The following NRXN1 variants were observed in gnomAD, a reference collection of about 807,000 sequenced individuals.
The protein encoded by NRXN1 is neurexin-1.
A neutral mutation model predicts 150.9 loss-of-function variants in NRXN1; 39 were observed. That is an observed-to-expected ratio of 0.26 (90% CI 0.20 to 0.34). The LOEUF (loss-of-function observed/expected upper bound fraction) is 0.34. Among genes scored for constraint, NRXN1 ranks in the 10% least tolerant of loss-of-function variants. The probability of loss-of-function intolerance (pLI) is 1.00; values close to 1 mark genes in which losing one functional copy is unlikely to be tolerated. For synonymous variants in NRXN1, 924 were observed against 757.0 expected, an observed-to-expected ratio of 1.22 and a Z score of -3.62; for missense variants, 1,815 against 1,949.9, an observed-to-expected ratio of 0.93 and a Z score of 1.30.
intron 5 of NRXN1, among the ~76,000 whole-genome samples, chr2:50,681,725 A>G (rs1195373052): frequency 6.6e-6 from 1 of 152,192 alleles, no homozygotes; most frequent in East Asian, 1.9e-4. Context: ...TTGTTGAACT[A>G]TTTGATACTA....
intron 21 of NRXN1, among the ~76,000 whole-genome samples, chr2:49,999,723 C>T (rs901504501): frequency 6.6e-6 from 1 of 152,112 alleles, no homozygotes; most frequent in Non-Finnish European, 1.5e-5. Flanking sequence ...TCCCACCACA[C>T]CTCATAGAAC....
At chr2:50,821,254 C>G (rs1359150875) in intron 5 of NRXN1, among the ~76,000 whole-genome samples, 2 of 152,166 alleles carry the variant, frequency 1.3e-5, no homozygotes. Context: ...AACACAAATT[C>G]TTAAAGTTTC....
rs568517191 is a variant in NRXN1, at chr2:50,439,685, C to T, written c.3364+25757G>A. ...ACAAAAAATTAGTCGGGCGTGGTGG[C>T]GGGTACCTGTAGTCCCAGCTACTCG... On this transcript the variant is annotated intron_variant, in intron 17 of 22. Coordinates refer to ENST00000401669, the MANE Select transcript of NRXN1 (RefSeq NM_001330078.2). 2.4e-3 allele frequency among the ~76,000 whole-genome samples: 359 copies of T among 151,724 alleles called. 4 individuals are homozygous for T. The highest frequency in any genetic ancestry group is 5.7e-3 in the South Asian group (27 of 4,778).
chr2:50,693,494 A>G (rs564930537), intron 5 of NRXN1, among the ~76,000 whole-genome samples: 1 of 152,196 alleles, frequency 6.6e-6, no homozygotes, highest in East Asian at 1.9e-4. Context: ...CCTGCCTACA[A>G]TTGCGTGCAA....
At chr2:49,922,369 G>T in intron 22 of NRXN1, 118 bp from the exon 23 acceptor site, 1 of 1,069,614 alleles carries the variant, frequency 9.3e-7, no homozygotes, top group Non-Finnish European at 1.4e-6. Flanking sequence ...GGAAAGGTAT[G>T]CTATTGATAA....
chr2:50,795,345 T>C (rs1370844902), intron 5 of NRXN1, among the ~76,000 whole-genome samples: 1 of 152,110 alleles, frequency 6.6e-6, no homozygotes, highest in Non-Finnish European at 1.5e-5. Context: ...GATTCAGTAA[T>C]CTGTATGTGC....
intron 21 of NRXN1, chr2:50,022,563 CAATT>C (rs1439474063): frequency 2.6e-5 from 4 of 152,044 alleles, no homozygotes; most frequent in African/African-American, 9.7e-5. Flanking sequence ...CTTGTGAAAA[CAATT>C]AAAGAATGTG....
chr2:50,620,710 A>G lies in NRXN1; in HGVS notation c.1158+516T>C, dbSNP rs538637493. 2.0e-5 allele frequency among the ~76,000 whole-genome samples: 3 copies of G among 152,324 alleles called. No homozygotes were observed. The South Asian group carries it at 6.2e-4, about 32-fold the overall frequency. Reference sequence around the variant, plus strand: ...AAGGGAGAGAAAAGGCAAAACAACCAGTAGAAGCGGCACACGCTGATGTGC... The same window carrying G: ...AAGGGAGAGAAAAGGCAAAACAACCGGTAGAAGCGGCACACGCTGATGTGC... On this transcript the variant is annotated intron_variant, in intron 7 of 22. Coordinates refer to ENST00000401669, the MANE Select transcript of NRXN1 (RefSeq NM_001330078.2).
intron 17 of NRXN1, among the ~76,000 whole-genome samples, chr2:50,329,443 T>A (rs1305804517): frequency 7.3e-5 from 11 of 150,662 alleles, no homozygotes; most frequent in Admixed American, 6.0e-4. Context: ...GGAGGTAGTA[T>A]AAAGAAACAT....
intron 21 of NRXN1, among the ~76,000 whole-genome samples, chr2:49,994,477 C>A (rs1157892512): frequency 1.3e-5 from 2 of 152,036 alleles, no homozygotes; most frequent in Admixed American, 1.3e-4. Context: ...CCAGAATATC[C>A]AAAATAATTT....
In NRXN1 at chr2:50,359,906, C is replaced by G. The variant is rs1379136526; in HGVS notation, c.3364+105536G>C. On this transcript the variant is annotated intron_variant, in intron 17 of 22. Transcript: ENST00000401669. ...GAAGCCCATCACACTAACAGCAGCTCTCTCTGCAGAAACCCTCCAAGCCAG... is the reference window on the plus strand; with the variant it reads ...GAAGCCCATCACACTAACAGCAGCTGTCTCTGCAGAAACCCTCCAAGCCAG... Among the ~76,000 whole-genome samples the G allele has an allele frequency of 4.6e-5, 7 of 152,218 alleles. No homozygotes were observed. The East Asian group carries it at 1.2e-3, about 25-fold the overall frequency.
intron 17 of NRXN1, among the ~76,000 whole-genome samples, chr2:50,247,790 T>C (rs1466144362): frequency 6.6e-6 from 1 of 152,122 alleles, no homozygotes; most frequent in Admixed American, 6.6e-5. Context: ...GTGGGACAAC[T>C]GGCAAGGTTT....
chr2:50,310,649 A>T (rs1184559550), intron 17 of NRXN1, among the ~76,000 whole-genome samples: 1 of 152,172 alleles, frequency 6.6e-6, no homozygotes, highest in Non-Finnish European at 1.5e-5. Flanking sequence ...AATCAATCTG[A>T]TACTTCTACT....
At chr2:50,064,124 T>C (rs1694983132) in intron 19 of NRXN1, among the ~76,000 whole-genome samples, 1 of 152,072 alleles carries the variant, frequency 6.6e-6, no homozygotes, top group East Asian at 1.9e-4. Context: ...GACCATTTAG[T>C]GTCCACTAAT....
intron 22 of NRXN1, among the ~76,000 whole-genome samples, chr2:49,936,838 A>ACACG (rs1553390309): frequency 2.0e-5 from 3 of 152,130 alleles, no homozygotes; most frequent in African/African-American, 7.2e-5. Flanking sequence ...ACACACACAC[A>ACACG]CACATATGAA....
intron 22 of NRXN1, among the ~76,000 whole-genome samples, chr2:49,936,334 C>T (rs971335123): frequency 2.6e-5 from 4 of 152,154 alleles, no homozygotes; most frequent in African/African-American, 4.8e-5. Context: ...GCCTTATGAG[C>T]GACCTCACTA....
intron 2 of NRXN1, among the ~76,000 whole-genome samples, chr2:50,980,101 G>T (rs1288973456): frequency 1.3e-5 from 2 of 152,058 alleles, no homozygotes; most frequent in Non-Finnish European, 1.5e-5. Context: ...TTTTACTAGA[G>T]TTAAATTTCT....
At chr2:50,907,170 A>T (rs1173391753) in intron 5 of NRXN1, among the ~76,000 whole-genome samples, 1 of 150,750 alleles carries the variant, frequency 6.6e-6, no homozygotes, top group Non-Finnish European at 1.5e-5. Context: ...GAAGAATCTG[A>T]AAAAAACCAA....
intron 5 of NRXN1, among the ~76,000 whole-genome samples, chr2:50,889,726 G>A (rs994018247): frequency 2.6e-5 from 4 of 151,190 alleles, no homozygotes; most frequent in Non-Finnish European, 4.4e-5. Flanking sequence ...AATTTATGTT[G>A]GAATATCACA....
Sources: allele counts gnomAD v4.1 joint callset (sites outside exome capture counted in the v4.1 genomes callset), GRCh38; gene constraint gnomAD v4.1.1; transcripts MANE v1.5; gene names NCBI Gene and HGNC (gene_info 2026-07-23, HGNC 2026-07-21).